The following SFTPD variants were observed in gnomAD, a reference collection of about 807,000 sequenced individuals.
The protein encoded by SFTPD is surfactant protein D, also known as pulmonary surfactant-associated protein D.
Under a neutral mutation model 34.6 loss-of-function variants are expected in SFTPD, and 18 were observed. The ratio of observed to expected loss-of-function variants is 0.52; its 90% CI spans 0.36 to 0.77. SFTPD has a LOEUF of 0.77. Ranked by LOEUF, SFTPD falls within the 30% of genes least tolerant of loss-of-function variation. The pLI is 0.00. For missense variants in SFTPD, 433 were observed against 468.9 expected, an observed-to-expected ratio of 0.92 and a Z score of 0.71; for synonymous variants, 155 against 180.9, an observed-to-expected ratio of 0.86 and a Z score of 1.15.
intron 1 of SFTPD, among the ~76,000 whole-genome samples, chr10:79,976,909 A>G (rs1344861188): frequency 6.6e-6 from 1 of 152,180 alleles, no homozygotes; most frequent in African/African-American, 2.4e-5. Context: ...ATGATAGTGT[A>G]TAAGTCTCAT....
Position 79,946,481 on chromosome 10 carries a change from C to T in SFTPD, c.179G>A (p.Arg60Gln), listed in dbSNP as rs768669170. The T allele has an allele frequency of 1.7e-5, 27 of 1,613,870 alleles. No individual in the cohort carries two copies. Among genetic ancestry groups the T allele is most frequent in the Middle Eastern group, 1.6e-4 (1 of 6,084 alleles). Residue 60 changes from arginine to glutamine, a missense_variant, in exon 2 of 8, where the codon CGG (arginine) becomes CAG (glutamine). Physicochemically the swap from Arg to Gln is conservative, Grantham distance 43. Transcript: ENST00000372292. ...CCTACCTGGGTCCCCCTTCTCGCCC[C>T]GAGGGCCCTCTCTCCCATCCCGTCC... ...RDGRDGREGPRGEKGDPGLPG... is the reference protein window; with the variant it reads ...RDGRDGREGPQGEKGDPGLPG...
At chr10:79,941,916 A>C (rs1277719931) in intron 5 of SFTPD, 38 bp downstream of exon 5, 14 of 1,377,500 alleles carry the variant, frequency 1.0e-5, no homozygotes, top group Admixed American at 5.1e-5. Context: ...GCACAGGAGA[A>C]CTGGACCCAG....
At chr10:79,958,351 C>T (rs1375944512) in intron 1 of SFTPD, among the ~76,000 whole-genome samples, 1 of 152,166 alleles carries the variant, frequency 6.6e-6, no homozygotes, top group African/African-American at 2.4e-5. Flanking sequence ...AAGACACAGA[C>T]TGGCAAATTG....
intron 1 of SFTPD, among the ~76,000 whole-genome samples, chr10:79,960,719 C>T (rs1255237595): frequency 6.6e-6 from 1 of 152,192 alleles, no homozygotes; most frequent in South Asian, 2.1e-4. Context: ...GGCCATACTG[C>T]CCATGGTAAT....
chr10:79,950,730 G>GCA (rs1024013052), upstream of SFTPD: 2 of 152,120 alleles, frequency 1.3e-5, no homozygotes, highest in Admixed American at 1.3e-4. Flanking sequence ...TAATTCTCTA[G>GCA]CAAGACCAGG....
chr10:79,971,431 G>T (rs1294357376), intron 1 of SFTPD: 1 of 152,154 alleles, frequency 6.6e-6, no homozygotes, highest in Non-Finnish European at 1.5e-5. Context: ...AGAAGAATTG[G>T]TATTAGTTCT....
rs185701260 is a variant in SFTPD at position 79,957,386 on chromosome 10, G to T, written c.37-10724C>A. ...GGAGGAAATTCAAACCAATGGCAAA[G>T]AAGTTTAAAACTGTGAAAAAAATTA... On this transcript the variant is annotated intron_variant, in intron 1 of 5. Coordinates refer to the SFTPD transcript ENST00000444384. Among the ~76,000 whole-genome samples the T allele has an allele frequency of 6.6e-5, 10 of 152,270 alleles. No individual in the cohort carries two copies. The East Asian group carries it at 1.9e-3, about 29-fold the overall frequency.
At chr10:79,957,293 T>A (rs1016972179) in intron 1 of SFTPD, among the ~76,000 whole-genome samples, 1 of 152,178 alleles carries the variant, frequency 6.6e-6, no homozygotes, top group Non-Finnish European at 1.5e-5. Flanking sequence ...GGAACAAAGC[T>A]GGACGGAGAA....
intron 1 of SFTPD, among the ~76,000 whole-genome samples, chr10:79,957,275 C>A (rs1028594654): frequency 2.2e-4 from 33 of 152,188 alleles, no homozygotes; most frequent in African/African-American, 7.7e-4. Flanking sequence ...CAGCTCCTCA[C>A]CAACAACGGA....
chr10:79,944,191 C>T (rs1409722846), intron 2 of SFTPD, among the ~76,000 whole-genome samples: 2 of 152,222 alleles, frequency 1.3e-5, no homozygotes, highest in Admixed American at 6.5e-5. Flanking sequence ...TCACTCACTC[C>T]ATAAATATCT....
Position 79,955,617 on chromosome 10 carries a change from T to C in SFTPD, c.37-8955A>G, listed in dbSNP as rs191268126. ...GGTGCTATCTGTTGTTGCAATCTAA[T>C]CTGTTCACTAGATTCTGCAACAATT... On this transcript the variant is annotated intron_variant, in intron 1 of 5. Transcript: ENST00000444384. Among the ~76,000 whole-genome samples, 11 of 152,342 alleles carry C rather than the reference T, an allele frequency of 7.2e-5. No individual in the cohort carries two copies. In the East Asian group the frequency reaches 2.1e-3, roughly 29 times the overall value.
rs1842618524 is a variant in SFTPD, at chr10:79,942,063, T to C, written c.441A>G (p.Val147=). Residue 147 remains valine (V), a synonymous_variant, in exon 5 of 8, where the codon GTA becomes GTG. Coordinates refer to ENST00000372292, the MANE Select transcript of SFTPD (RefSeq NM_003019.5). The part of the protein sequence containing the change: ...PKGEAGPKGE[V]GAPGMQGSAG... ...CCGAGCCCTGCATGCCTGGGGCACC[T>C]ACTTCTCCTGAAGAAGGAACACACA... The C allele has an allele frequency of 2.5e-6, 4 of 1,608,976 alleles. No individual in the cohort carries two copies. Among genetic ancestry groups the C allele is most frequent in the East Asian group, 4.5e-5 (2 of 44,826 alleles).
At chr10:79,956,484 T>C (rs4433518) in intron 1 of SFTPD, among the ~76,000 whole-genome samples, 104,907 of 152,182 alleles carry the variant, frequency 0.69, 37,886 homozygotes, top group African/African-American at 0.92. Flanking sequence ...GCTTAAAAAA[T>C]GGCACACCAG....
intron 1 of SFTPD, among the ~76,000 whole-genome samples, chr10:79,956,365 C>G (rs557832599): frequency 1.5e-4 from 23 of 152,368 alleles, no homozygotes; most frequent in African/African-American, 5.5e-4. Flanking sequence ...TTCCCTCACT[C>G]AAGAGCACAA....
At chr10:79,961,198 A>G (rs1842770485) in intron 1 of SFTPD, among the ~76,000 whole-genome samples, 1 of 152,228 alleles carries the variant, frequency 6.6e-6, no homozygotes, top group African/African-American at 2.4e-5. Flanking sequence ...AAACCCTAGA[A>G]GAAAACCTAG....
intron 1 of SFTPD, among the ~76,000 whole-genome samples, chr10:79,977,490 A>C (rs1842869775): frequency 6.6e-6 from 1 of 152,224 alleles, no homozygotes; most frequent in African/African-American, 2.4e-5. Flanking sequence ...ATACACACAC[A>C]CAGTGCTCAC....
upstream of SFTPD, chr10:79,950,128 C>T (rs545005570): frequency 3.9e-4 from 59 of 152,268 alleles, no homozygotes; most frequent in African/African-American, 1.4e-3. Flanking sequence ...CAAGTGTAAG[C>T]CATCATACCC....
chr10:79,939,900 G>C (rs1842594648), intron 7 of SFTPD, among the ~76,000 whole-genome samples: 2 of 152,180 alleles, frequency 1.3e-5, no homozygotes, highest in South Asian at 4.1e-4. Context: ...ATTCAAAAAG[G>C]CACCAGGCCC....
In SFTPD at chr10:79,964,782, TG is replaced by T. The variant is rs558518414; in HGVS notation, c.36+17792del. 3.2e-3 allele frequency among the ~76,000 whole-genome samples: 492 copies of T among 152,268 alleles called. 4 individuals are homozygous for T. Among genetic ancestry groups the T allele is most frequent in the African/African-American group, 0.011 (468 of 41,552 alleles). ...TTGAGAATTTGCCCCTGCCCAGGTC[TG>T]GCAAATTGACTTTACTCACATGCCT... On this transcript the variant is annotated intron_variant, in intron 1 of 5. Coordinates refer to the SFTPD transcript ENST00000444384.
Sources: allele counts gnomAD v4.1 joint callset (sites outside exome capture counted in the v4.1 genomes callset), GRCh38; gene constraint gnomAD v4.1.1; transcripts MANE v1.5; gene names NCBI Gene and HGNC (gene_info 2026-07-23, HGNC 2026-07-21).